The following CMIP variants were observed in gnomAD, a reference collection of about 807,000 sequenced individuals.
CMIP encodes the protein C-Maf-inducing protein.
In CMIP, 13 loss-of-function variants were observed where a neutral mutation model predicts 97.3. That is an observed-to-expected ratio of 0.13 (90% CI 0.09 to 0.21). The LOEUF is 0.21. Among genes scored for constraint, CMIP ranks in the 10% least tolerant of loss-of-function variants. The probability of loss-of-function intolerance (pLI) is 1.00; values close to 1 mark genes in which losing one functional copy is unlikely to be tolerated. For missense variants in CMIP, 847 were observed against 1,024.9 expected (o/e 0.83, Z 2.37); for synonymous variants, 538 against 436.3 (o/e 1.23, Z -2.91).
chr16:81,646,889 G>GT (rs2092370240), intron 3 of CMIP, among the ~76,000 whole-genome samples: 1 of 152,224 alleles, frequency 6.6e-6, no homozygotes, highest in Non-Finnish European at 1.5e-5. Context: ...ATGAATTTAA[G>GT]TTGTTTCTGT....
chr16:81,566,646 C>T (rs147976309), intron 1 of CMIP, among the ~76,000 whole-genome samples: 2 of 152,312 alleles, frequency 1.3e-5, no homozygotes, highest in African/African-American at 2.4e-5. Flanking sequence ...GATTCTACTC[C>T]CAATTCTGTT....
chr16:81,495,574 C>A (rs754446418), intron 1 of CMIP: 198 of 1,479,936 alleles, frequency 1.3e-4, no homozygotes, highest in Middle Eastern at 1.0e-3. Context: ...TGGCCACAGG[C>A]CAGTGAAATT....
intron 1 of CMIP, among the ~76,000 whole-genome samples, chr16:81,503,928 C>T (rs975822268): frequency 5.3e-5 from 8 of 152,238 alleles, no homozygotes; most frequent in Admixed American, 2.6e-4. Context: ...ACACCTGGCC[C>T]TGTGCTCCAT....
intron 7 of CMIP, chr16:81,666,721 G>GAGC (rs2092607144): frequency 6.6e-6 from 1 of 152,226 alleles, no homozygotes; most frequent in South Asian, 2.1e-4. Context: ...TACACACCAT[G>GAGC]AGCGGCGGCG....
In CMIP at chr16:81,614,734, T is replaced by C. The variant is rs770857427; in HGVS notation, c.427-6142T>C. Among the ~76,000 whole-genome samples the C allele has an allele frequency of 6.6e-6, 1 of 151,860 alleles. No homozygotes were observed. Among genetic ancestry groups the C allele is most frequent in the Non-Finnish European group, 1.5e-5 (1 of 67,952 alleles). ...GCATGTGTGTGCGTACACATGTGTG[T>C]CTCTGTGAGTGTGTATGTGTCTATG... is the stretch of plus-strand genomic sequence containing the variant. On this transcript the variant is annotated intron_variant, in intron 2 of 20. Transcript: ENST00000537098. The surrounding 1 kb of genome is among the most constrained non-coding windows in gnomAD (Gnocchi z 5.3).
Position 81,655,138 on chromosome 16 carries a change from A to ACC in CMIP, c.640-2634_640-2633dup, listed in dbSNP as rs1418324803. Reference sequence around the variant, plus strand: ...GTCATAGGAGATGTCTGTGGTCTGAACCCCGTAAGCACCTTCAGCCAGGGG... The same window carrying ACC: ...GTCATAGGAGATGTCTGTGGTCTGAACCCCCCGTAAGCACCTTCAGCCAGGGG... On this transcript the variant is annotated intron_variant, in intron 4 of 20. Transcript: ENST00000537098. This position sits in a 1 kb window ranked among gnomAD's most constrained non-coding sequence, Gnocchi z 4.9. 6.6e-6 allele frequency among the ~76,000 whole-genome samples: 1 copy of ACC among 152,106 alleles called. No individual in the cohort carries two copies. Among genetic ancestry groups the ACC allele is most frequent in the Admixed American group, 6.5e-5 (1 of 15,274 alleles).
intron 1 of CMIP, among the ~76,000 whole-genome samples, chr16:81,539,710 G>T (rs1346946573): frequency 1.3e-5 from 2 of 152,188 alleles, no homozygotes; most frequent in East Asian, 3.8e-4. Context: ...CTAAGAGCAA[G>T]ACTAAGCTTC....
Position 81,707,008 on chromosome 16 carries a change from G to T in CMIP, c.2198-6G>T, listed in dbSNP as rs767845616. On this transcript the variant is annotated splice_polypyrimidine_tract_variant and splice_region_variant and intron_variant, in intron 19 of 20. Coordinates refer to ENST00000537098, the MANE Select transcript of CMIP (RefSeq NM_198390.3). ...CTCCTAACAACTGTATCTGTCTCTT[G>T]TGCAGCCATGAAGAGTCTCTGCAGT... The T allele has an allele frequency of 1.9e-6, 3 of 1,613,210 alleles. No homozygotes were observed. Among genetic ancestry groups the T allele is most frequent in the South Asian group, 2.2e-5 (2 of 91,020 alleles).
At chr16:81,558,257 C>T (rs1334649016) in intron 1 of CMIP, among the ~76,000 whole-genome samples, 1 of 152,152 alleles carries the variant, frequency 6.6e-6, no homozygotes, top group Non-Finnish European at 1.5e-5. Flanking sequence ...GAATGCAGGC[C>T]GTGCTTCTCC....
At chr16:81,535,444 C>G (rs1188862360) in intron 1 of CMIP, among the ~76,000 whole-genome samples, 1 of 149,746 alleles carries the variant, frequency 6.7e-6, no homozygotes, top group Non-Finnish European at 1.5e-5. Context: ...GTCACTTCTG[C>G]TCATGGTATA....
Position 81,557,775 on chromosome 16 carries a change from G to T in CMIP, c.301-49792G>T, listed in dbSNP as rs375976090. ...ATCAAGAACCTGTCTCAAAAAACAA[G>T]ACAATTGTGGTGAAATACACATAAC... On this transcript the variant is annotated intron_variant, in intron 1 of 20. Transcript: ENST00000537098. 4.6e-5 allele frequency among the ~76,000 whole-genome samples: 7 copies of T among 152,158 alleles called. No homozygotes were observed. In the East Asian group the frequency reaches 7.7e-4, roughly 17 times the overall value.
At chr16:81,455,533 G>C (rs911365097) in intron 1 of CMIP, among the ~76,000 whole-genome samples, 1 of 152,198 alleles carries the variant, frequency 6.6e-6, no homozygotes. Flanking sequence ...GGCCCTCTGC[G>C]TAAGTGCGAG....
chr16:81,573,239 G>A (rs762433583), intron 1 of CMIP, among the ~76,000 whole-genome samples: 38 of 152,134 alleles, frequency 2.5e-4, no homozygotes, highest in Non-Finnish European at 4.4e-4. Context: ...AACTGTTCGG[G>A]AGGGTGAGTC....
intron 2 of CMIP, 71 bp from the exon 3 acceptor site, chr16:81,620,805 C>T: frequency 6.3e-7 from 1 of 1,583,740 alleles, no homozygotes; most frequent in South Asian, 1.1e-5. Flanking sequence ...GGCTCACATG[C>T]TGGCCTTGAA....
chr16:81,700,170 A>T (rs1246349563), intron 15 of CMIP, among the ~76,000 whole-genome samples: 1 of 152,174 alleles, frequency 6.6e-6, no homozygotes, highest in Non-Finnish European at 1.5e-5. Context: ...CTCATCAGTC[A>T]GATGGGGCCA....
At chr16:81,667,766 AAGAGAGAG>A (rs59388984) in intron 7 of CMIP, among the ~76,000 whole-genome samples, 325 of 85,178 alleles carry the variant, frequency 3.8e-3, no homozygotes, top group South Asian at 0.012. Flanking sequence ...GAGGGAGAGA[AAGAGAGAG>A]AGAGAGAGAG....
chr16:81,479,797 C>T (rs1007338000), intron 1 of CMIP, among the ~76,000 whole-genome samples: 18 of 152,338 alleles, frequency 1.2e-4, no homozygotes, highest in Admixed American at 1.0e-3. Context: ...CTCTTTCCCC[C>T]TACCCCCGGC....
chr16:81,476,233 C>G, intron 1 of CMIP: 1 of 1,444,800 alleles, frequency 6.9e-7, no homozygotes. Flanking sequence ...GGACAAGATG[C>G]CGGGACCTGT....
At chr16:81,703,328 T>G (rs1907629355) in intron 17 of CMIP, among the ~76,000 whole-genome samples, 1 of 151,682 alleles carries the variant, frequency 6.6e-6, no homozygotes, top group East Asian at 1.9e-4. Flanking sequence ...TGGAGGGGAG[T>G]GTGGAGGTTG....
Sources: gnomAD v4.1 joint callset for allele counts (sites outside exome capture counted in the v4.1 genomes callset) on GRCh38, gnomAD v4.1.1 for gene constraint, Gnocchi (gnomAD v3.1) non-coding constraint, MANE v1.5 for transcripts, NCBI Gene and HGNC (gene_info 2026-07-23, HGNC 2026-07-21) for gene names.